Variants in RFX6 observed in about 807,000 individuals in gnomAD.
RFX6 encodes DNA-binding protein RFX6.
In RFX6, 50 loss-of-function variants were observed where a neutral mutation model predicts 110.8. That is an observed-to-expected ratio of 0.45 (90% CI 0.36 to 0.57). The LOEUF (loss-of-function observed/expected upper bound fraction) is 0.57. RFX6 is among the 20% of genes least tolerant of loss of function. The pLI, the probability that RFX6 is intolerant of heterozygous loss-of-function variation, is 0.00. For missense variants in RFX6, 990 were observed against 1,127.0 expected, an observed-to-expected ratio of 0.88 and a Z score of 1.74; for synonymous variants, 383 against 411.2, an observed-to-expected ratio of 0.93 and a Z score of 0.83.
At position 116,914,445 on chromosome 6, in the gene RFX6, AG is replaced by A. The variant is rs1284363449; in HGVS notation, c.781-1560del. ...TTCCTTTTTCTGGATATATACAGAA[AG>A]GGTTAATTTTTGACAACAGTTATGA... On this transcript the variant is annotated intron_variant, in intron 7 of 18. Coordinates refer to ENST00000332958, the MANE Select transcript of RFX6 (RefSeq NM_173560.4). Among the ~76,000 whole-genome samples the A allele has an allele frequency of 2.0e-5, 3 of 152,284 alleles. No homozygotes were observed. In the East Asian group the frequency reaches 5.8e-4, roughly 29 times the overall value.
intron 15 of RFX6, 73 bp downstream of exon 15, chr6:116,924,864 G>A (rs901339132): frequency 1.9e-5 from 20 of 1,078,150 alleles, no homozygotes; most frequent in Non-Finnish European, 2.8e-5. Context: ...TATAAGTTCA[G>A]ATATTAAGTG....
intron 3 of RFX6, among the ~76,000 whole-genome samples, chr6:116,882,163 A>G (rs1774603431): frequency 6.6e-6 from 1 of 152,148 alleles, no homozygotes; most frequent in African/African-American, 2.4e-5. Context: ...AGGTCAGTAG[A>G]GCACTTCAAT....
At chr6:116,918,496 C>A (rs1389940137) in intron 10 of RFX6, among the ~76,000 whole-genome samples, 1 of 151,210 alleles carries the variant, frequency 6.6e-6, no homozygotes, top group Admixed American at 6.6e-5. Context: ...GAAATTACTG[C>A]CTTCTTTTAA....
intron 4 of RFX6, among the ~76,000 whole-genome samples, chr6:116,888,005 C>A (rs1407389583): frequency 6.6e-6 from 1 of 152,134 alleles, no homozygotes; most frequent in African/African-American, 2.4e-5. Context: ...ACATGATGGA[C>A]AAAAGCTATT....
intron 6 of RFX6, among the ~76,000 whole-genome samples, chr6:116,910,702 G>A (rs1031032340): frequency 1.3e-5 from 2 of 152,124 alleles, no homozygotes; most frequent in Non-Finnish European, 2.9e-5. Context: ...AAAATTTGAA[G>A]TGATAGGAAA....
At chr6:116,882,273 T>C (rs1197973453) in intron 3 of RFX6, 94 bp from the exon 4 acceptor site, 2 of 854,812 alleles carry the variant, frequency 2.3e-6, no homozygotes, top group Non-Finnish European at 4.0e-6. Context: ...TCATTCAGAG[T>C]TCAACATTTA....
At chr6:116,922,831 A>T (rs959847314) in intron 13 of RFX6, among the ~76,000 whole-genome samples, 1 of 152,324 alleles carries the variant, frequency 6.6e-6, no homozygotes, top group African/African-American at 2.4e-5. Flanking sequence ...TGTCAAAGAA[A>T]AATTAAAAAA....
Position 116,877,267 on chromosome 6 carries a change from G to T in RFX6, c.-9G>T. 1 of 1,603,708 alleles carries T rather than the reference G, an allele frequency of 6.2e-7. No homozygotes were observed. The highest frequency in any genetic ancestry group is 1.7e-5 in the Admixed American group (1 of 59,338). On this transcript the variant is annotated 5_prime_UTR_variant, in exon 1 of 19. Coordinates refer to ENST00000332958, the MANE Select transcript of RFX6 (RefSeq NM_173560.4). The stretch of plus-strand genomic sequence containing the variant: ...GCGGCGCGCGCGGAGGTGTCCGGCG[G>T]CCAGGAGGATGGCCAAGGTCCCGGA...
chr6:116,911,092 T>C (rs1775340193), intron 7 of RFX6, 50 bp downstream of exon 7: 7 of 1,236,458 alleles, frequency 5.7e-6, no homozygotes, highest in Non-Finnish European at 6.0e-6. Flanking sequence ...GTTGGCTCCA[T>C]ATGTCAATTT....
Position 116,877,439 on chromosome 6 carries a change from G to A in RFX6, c.164G>A (p.Gly55Asp), listed in dbSNP as rs750558818. The A allele has an allele frequency of 3.1e-6, 5 of 1,587,512 alleles. No homozygotes were observed. Among genetic ancestry groups the A allele is most frequent in the Non-Finnish European group, 8.6e-7 (1 of 1,166,416 alleles). The change falls in exon 1 of 19, where the codon GGC (glycine) becomes GAC (aspartate). Residue 55 changes from glycine (G) to aspartate (D), a missense_variant. Gly to Asp is a moderately conservative substitution (Grantham distance 94, BLOSUM62 -1). This residue lies in a region of RFX6 where 175 missense variants were observed against 162.3 expected (regional missense o/e 1.08). Transcript: ENST00000332958. ...VYLAAEGQPGGEQGGGEKGED... is the reference protein window; with the variant it reads ...VYLAAEGQPGDEQGGGEKGED... Reference sequence around the variant, plus strand: ...CTGGCGGCCGAAGGGCAGCCCGGGGGCGAGCAGGGCGGCGGGGAGAAAGGC... The same window carrying A: ...CTGGCGGCCGAAGGGCAGCCCGGGGACGAGCAGGGCGGCGGGGAGAAAGGC...
intron 4 of RFX6, among the ~76,000 whole-genome samples, chr6:116,893,612 C>A (rs1774876967): frequency 6.6e-6 from 1 of 152,186 alleles, no homozygotes; most frequent in Non-Finnish European, 1.5e-5. Flanking sequence ...ATAGCATTTT[C>A]TTGTCCAATT....
intron 4 of RFX6, among the ~76,000 whole-genome samples, chr6:116,893,577 C>T (rs1774876294): frequency 6.6e-6 from 1 of 152,158 alleles, no homozygotes; most frequent in Non-Finnish European, 1.5e-5. Flanking sequence ...GATTGGTCTT[C>T]CCTACACATA....
chr6:116,928,395 C>T (rs675811), intron 17 of RFX6, among the ~76,000 whole-genome samples: 36,839 of 151,824 alleles, frequency 0.24, 4,811 homozygotes, highest in South Asian at 0.42. Context: ...TTGTGACAGG[C>T]GATAGTGCTT....
At chr6:116,926,496 A>T (rs1465660253) in intron 16 of RFX6, among the ~76,000 whole-genome samples, 1 of 152,136 alleles carries the variant, frequency 6.6e-6, no homozygotes, top group Non-Finnish European at 1.5e-5. Context: ...TGATATACAG[A>T]ATTTTAAACC....
At position 116,927,594 on chromosome 6, in the gene RFX6, T is replaced by A. The variant is rs933744485; in HGVS notation, c.2398+55T>A. The A allele has an allele frequency of 2.8e-6, 4 of 1,452,760 alleles. No homozygotes were observed. In the African/African-American group the frequency reaches 5.6e-5, roughly 20 times the overall value. The allele number at this position is 1,452,760 out of a possible 1,614,324, so 90.0% of individuals were successfully genotyped here. On this transcript the variant is annotated intron_variant, in intron 17 of 18. Coordinates refer to ENST00000332958, the MANE Select transcript of RFX6 (RefSeq NM_173560.4). ...TTTTTGAGATGGCAATGAGGCAAAA[T>A]CAGACATTGCGTTCCACCTCTGCTG...
intron 13 of RFX6, 143 bp from the exon 14 acceptor site, chr6:116,922,964 G>T: frequency 1.4e-6 from 1 of 711,766 alleles, no homozygotes; most frequent in Non-Finnish European, 2.6e-6. Flanking sequence ...AAATTCCCTG[G>T]ACAGATAGTT....
Position 116,877,516 on chromosome 6 carries a change from T to C in RFX6, c.223+18T>C, listed in dbSNP as rs760344574. On this transcript the variant is annotated intron_variant, in intron 1 of 18. Coordinates refer to ENST00000332958, the MANE Select transcript of RFX6 (RefSeq NM_173560.4). ...GAAATCAGGTGAGTGCTCTGCCGCA[T>C]CCGGAGCTGGGAAGGGGACGGGGAC... is the stretch of plus-strand genomic sequence containing the variant. 6.5e-7 allele frequency: 1 copy of C among 1,536,778 alleles called. No homozygotes were observed. The highest frequency in any genetic ancestry group is 1.2e-5 in the South Asian group (1 of 82,948).
chr6:116,920,260 A>G lies in RFX6; in HGVS notation c.1183-50A>G, dbSNP rs762186480. 4.1e-6 allele frequency: 6 copies of G among 1,464,008 alleles called. No homozygotes were observed. The South Asian group carries it at 5.7e-5, about 14-fold the overall frequency. 90.7% of individuals were successfully genotyped at this position (1,464,008 alleles called of 1,614,324 possible). On this transcript the variant is annotated intron_variant, in intron 11 of 18. Coordinates refer to ENST00000332958, the MANE Select transcript of RFX6 (RefSeq NM_173560.4). Reference sequence around the variant, plus strand: ...TCTGATAGCTAAAAATTTCTTCTAGATACATTAGAAATGATATAGTGTAGT... The same window carrying G: ...TCTGATAGCTAAAAATTTCTTCTAGGTACATTAGAAATGATATAGTGTAGT...
At chr6:116,911,084 T>G in intron 7 of RFX6, 42 bp downstream of exon 7, 1 of 1,274,192 alleles carries the variant, frequency 7.8e-7, no homozygotes, top group Non-Finnish European at 1.1e-6. Context: ...TCTGATATGT[T>G]GGCTCCATAT....
Sources: allele counts gnomAD v4.1 joint callset (sites outside exome capture counted in the v4.1 genomes callset), GRCh38; gene constraint gnomAD v4.1.1; regional missense constraint gnomAD v4.1.1; transcripts MANE v1.5; gene names NCBI Gene and HGNC (gene_info 2026-07-23, HGNC 2026-07-21).